Variants in GLT8D1 observed in about 807,000 individuals in gnomAD.
The protein encoded by GLT8D1 is glycosyltransferase 8 domain containing 1.
GLT8D1 carries 41 observed loss-of-function variants against 46.2 expected under a neutral mutation model. The ratio of observed to expected loss-of-function variants is 0.89; its 90% confidence interval spans 0.69 to 1.15. GLT8D1 has a LOEUF of 1.15. Ranked by LOEUF, GLT8D1 falls within the 50% of genes most tolerant of loss-of-function variation. The pLI, the probability that GLT8D1 is intolerant of heterozygous loss-of-function variation, is 0.00. For missense variants in GLT8D1, 408 were observed against 449.3 expected, an observed-to-expected ratio of 0.91 and a Z score of 0.83; for synonymous variants, 150 against 154.2, an observed-to-expected ratio of 0.97 and a Z score of 0.20.
rs2097332351 is a variant in GLT8D1, at chr3:52,695,553, T to C, written c.680A>G (p.Glu227Gly). 6.2e-7 allele frequency: 1 copy of C among 1,609,938 alleles called. No homozygotes were observed. Among genetic ancestry groups the C allele is most frequent in the South Asian group, 1.1e-5 (1 of 90,992 alleles). ...NYIGYLDYKK[E>G]RIRKLSMKAS... ...TTTCATGGAAAGCTTACGAATTCTT[T>C]CCTTTTTATAGTCAAGATAGCCAAT... Residue 227 changes from glutamate (E) to glycine (G), a missense_variant, in exon 8 of 10, where the codon GAA becomes GGA. Coordinates refer to ENST00000266014, the MANE Select transcript of GLT8D1 (RefSeq NM_018446.4).
rs149206385 is a variant in GLT8D1 at position 52,695,282 on chromosome 3, G to A, written c.833C>T (p.Thr278Ile). Residue 278 changes from threonine (T) to isoleucine (I), a missense_variant, in exon 9 of 10, where the codon ACC becomes ATC. Transcript: ENST00000266014. Reference protein sequence around the residue: ...LNVEEGLYSRTLAGSITTPPL... With the variant: ...LNVEEGLYSRILAGSITTPPL... ...AGGTGTTGTGATGCTACCAGCCAGG[G>A]TTCTGCTATACAGTCCCTCTCTTGG... 1.2e-6 allele frequency: 2 copies of A among 1,613,030 alleles called. No individual in the cohort carries two copies. The highest frequency in any genetic ancestry group is 4.5e-5 in the East Asian group (2 of 44,874).
chr3:52,695,757 TC>T (rs1365758884), intron 7 of GLT8D1, 170 bp from the exon 8 acceptor site: 1 of 636,702 alleles, frequency 1.6e-6, no homozygotes, highest in African/African-American at 1.8e-5. Context: ...AACCAGATGT[TC>T]AAGAACAATT....
rs776174534 is a variant in GLT8D1, at chr3:52,696,047, T to C, written c.533-7A>G. 7 of 1,533,824 alleles carry C rather than the reference T, an allele frequency of 4.6e-6. No homozygotes were observed. ...TAAAGGGCAAGAATATCACCTGAAA[T>C]AGACAAGATGTTAAGATTTACATTT... On this transcript the variant is annotated splice_polypyrimidine_tract_variant and splice_region_variant and intron_variant, in intron 6 of 9. Transcript: ENST00000266014.
In GLT8D1 at chr3:52,696,240, C is replaced by A; in HGVS notation, c.526G>T (p.Val176Leu). ...KAIYMDDDVI[V>L]QGDILALYNT... is the part of the protein sequence containing the mutation. ...ATGGTGACATTTTTGATACCTTGCA[C>A]AATTACATCATCATCCATGTATATG... The change falls in exon 6 of 10, where the codon GTG (valine) becomes TTG (leucine). Residue 176 changes from valine (V) to leucine (L), a missense_variant. By Grantham distance (32) the Val-to-Leu change is conservative. Coordinates refer to ENST00000266014, the MANE Select transcript of GLT8D1 (RefSeq NM_018446.4). 1.2e-6 allele frequency: 2 copies of A among 1,601,688 alleles called. No individual in the cohort carries two copies. Among genetic ancestry groups the A allele is most frequent in the Non-Finnish European group, 1.7e-6 (2 of 1,168,646 alleles).
At chr3:52,697,963 A>G (rs774375500) in intron 3 of GLT8D1, 29 bp from the exon 4 acceptor site, 1 of 1,372,468 alleles carries the variant, frequency 7.3e-7, no homozygotes, top group East Asian at 2.3e-5. Flanking sequence ...CACTGTGATT[A>G]CAATCTCATG....
At chr3:52,697,998 A>G in intron 3 of GLT8D1, 64 bp from the exon 4 acceptor site, 1 of 1,002,210 alleles carries the variant, frequency 1.0e-6, no homozygotes, top group Non-Finnish European at 1.6e-6. Flanking sequence ...AGTCCAAGAC[A>G]TGGAAAAAGG....
chr3:52,700,426 A>C lies in GLT8D1; in HGVS notation c.16+19T>G. ...TTTGACCAGGTATAAAAACAACTTA[A>C]CTTGTAGAAAGAGCATACCTTTACG... On this transcript the variant is annotated intron_variant, in intron 2 of 9. Transcript: ENST00000266014. The C allele has an allele frequency of 6.3e-7, 1 of 1,596,106 alleles. No homozygotes were observed. The highest frequency in any genetic ancestry group is 8.6e-7 in the Non-Finnish European group (1 of 1,164,580).
Position 52,694,778 on chromosome 3 carries a change from T to C in GLT8D1, c.*67A>G, listed in dbSNP as rs756280958. On this transcript the variant is annotated 3_prime_UTR_variant, in exon 10 of 10. Transcript: ENST00000266014. ...GATAGGCATTGAAGCCTAGCAACTG[T>C]TACTTCCCACGCATGCTATCTTCCA... 1.8e-5 allele frequency: 20 copies of C among 1,111,412 alleles called. No homozygotes were observed. Among genetic ancestry groups the C allele is most frequent in the Non-Finnish European group, 2.5e-5 (18 of 724,822 alleles). The allele number at this position is 1,111,412 out of a possible 1,614,324, so 68.8% of individuals were successfully genotyped here. A position where few individuals can be genotyped will look rare whatever the true frequency, so the allele number is the denominator to read the frequency against.
intron 1 of GLT8D1, among the ~76,000 whole-genome samples, chr3:52,704,329 C>T (rs758906461): frequency 6.6e-6 from 1 of 151,940 alleles, no homozygotes; most frequent in Admixed American, 6.6e-5. Context: ...CGTGGTGGCG[C>T]ATGCCTGTAA....
Position 52,700,325 on chromosome 3 carries a change from A to G in GLT8D1, c.52T>C (p.Phe18Leu). The change falls in exon 3 of 10, where the codon TTC (phenylalanine) becomes CTC (leucine). Residue 18 changes from phenylalanine to leucine, a missense_variant. Coordinates refer to ENST00000266014, the MANE Select transcript of GLT8D1 (RefSeq NM_018446.4). ...AAGTTATGGTGCAAAACCAGTAAGA[A>G]GAGAGCAACAGCCAGGACCAAGATG... ...IIILVLAVAL[F>L]LLVLHHNFLS... 6.2e-7 allele frequency: 1 copy of G among 1,614,004 alleles called. No individual in the cohort carries two copies. Among genetic ancestry groups the G allele is most frequent in the Non-Finnish European group, 8.5e-7 (1 of 1,179,852 alleles).
chr3:52,700,243 TTAA>T lies in GLT8D1; in HGVS notation c.115+16_115+18del. The T allele has an allele frequency of 6.6e-7, 1 of 1,504,350 alleles. No homozygotes were observed. The highest frequency in any genetic ancestry group is 9.2e-7 in the Non-Finnish European group (1 of 1,086,138). 93.2% of individuals were successfully genotyped at this position (1,504,350 alleles called of 1,614,324 possible). On this transcript the variant is annotated intron_variant, in intron 3 of 9. Coordinates refer to ENST00000266014, the MANE Select transcript of GLT8D1 (RefSeq NM_018446.4). Reference sequence around the variant, plus strand: ...GTCCGCAACAGATTCTAAGGCATTATTAATAAGTGCTCGCATACCTGTAACCTC... The same window carrying T: ...GTCCGCAACAGATTCTAAGGCATTATTAAGTGCTCGCATACCTGTAACCTC...
In GLT8D1 at chr3:52,705,739, C is replaced by T. The variant is rs1239079484; in HGVS notation, c.-329G>A. The T allele has an allele frequency of 6.7e-6, 6 of 889,578 alleles. No individual in the cohort carries two copies. The highest frequency in any genetic ancestry group is 1.8e-5 in the African/African-American group (1 of 56,880). 55.1% of individuals were successfully genotyped at this position (889,578 alleles called of 1,614,324 possible). On this transcript the variant is annotated 5_prime_UTR_variant, in exon 1 of 10. Coordinates refer to ENST00000266014, the MANE Select transcript of GLT8D1 (RefSeq NM_018446.4). ...GTGGCAGCCGCGCAGCCCCACTACGCCCAGCCAGCCCGCAGCGGTAACCGC... is the reference window on the plus strand; with the variant it reads ...GTGGCAGCCGCGCAGCCCCACTACGTCCAGCCAGCCCGCAGCGGTAACCGC...
Position 52,695,032 on chromosome 3 carries a change from G to A in GLT8D1, c.929C>T (p.Ser310Phe). 1 of 1,607,928 alleles carries A rather than the reference G, an allele frequency of 6.2e-7. No homozygotes were observed. Among genetic ancestry groups the A allele is most frequent in the Non-Finnish European group, 8.5e-7 (1 of 1,174,368 alleles). ...DPMWNVRHLG[S>F]SAGKRYSPQF... ...AGGTGAATATCGTTTTCCAGCACTG[G>A]AACCTTACATTTGAGACAAAAATAG... Residue 310 changes from serine to phenylalanine, a missense_variant, in exon 10 of 10, where the codon TCC (serine) becomes TTC (phenylalanine). Coordinates refer to ENST00000266014, the MANE Select transcript of GLT8D1 (RefSeq NM_018446.4).
chr3:52,697,078 T>A (rs1445615257), intron 4 of GLT8D1, among the ~76,000 whole-genome samples: 1 of 152,228 alleles, frequency 6.6e-6, no homozygotes, highest in Non-Finnish European at 1.5e-5. Flanking sequence ...AGTCTATTTT[T>A]ATACAGCTTC....
In GLT8D1 at chr3:52,695,036, CT is replaced by C; in HGVS notation, c.926-2del. On this transcript the variant is annotated splice_acceptor_variant, in intron 9 of 9. Transcript: ENST00000266014. LOFTEE classifies it high-confidence loss of function. The stretch of plus-strand genomic sequence containing the variant: ...GAATATCGTTTTCCAGCACTGGAAC[CT>C]TACATTTGAGACAAAAATAGCCACA... The C allele has an allele frequency of 6.2e-7, 1 of 1,606,428 alleles. No individual in the cohort carries two copies. Among genetic ancestry groups the C allele is most frequent in the Non-Finnish European group, 8.5e-7 (1 of 1,173,010 alleles).
chr3:52,695,069 C>T lies in GLT8D1; in HGVS notation c.926-34G>A, dbSNP rs556660951. 101 of 1,531,390 alleles carry T rather than the reference C, an allele frequency of 6.6e-5. No individual in the cohort carries two copies. In the East Asian group the frequency reaches 1.0e-3, roughly 16 times the overall value. 94.9% of individuals were successfully genotyped at this position (1,531,390 alleles called of 1,614,324 possible). On this transcript the variant is annotated intron_variant, in intron 9 of 9. Coordinates refer to ENST00000266014, the MANE Select transcript of GLT8D1 (RefSeq NM_018446.4). ...TGAGACAAAAATAGCCACATCGTTG[C>T]GCCATGTGAAATTGTGCAGAAAACT...
Position 52,695,561 on chromosome 3 carries a change from A to ATAGTC in GLT8D1, c.667_671dup (p.Tyr224Ter). 1 of 1,605,208 alleles carries ATAGTC rather than the reference A, an allele frequency of 6.2e-7. No homozygotes were observed. Among genetic ancestry groups the ATAGTC allele is most frequent in the South Asian group, 1.1e-5 (1 of 90,850 alleles). ...AAAGCTTACGAATTCTTTCCTTTTTATAGTCAAGATAGCCAATGTAATTGT... is the reference window on the plus strand; with the variant it reads ...AAAGCTTACGAATTCTTTCCTTTTTATAGTCTAGTCAAGATAGCCAATGTAATTGT... On this transcript the variant is annotated stop_gained and frameshift_variant, in exon 8 of 10. Transcript: ENST00000266014. LOFTEE classifies it high-confidence loss of function.
chr3:52,694,787 A>T lies in GLT8D1; in HGVS notation c.*58T>A. ...TGAAGCCTAGCAACTGTTACTTCCC[A>T]CGCATGCTATCTTCCAGGACTTCCT... On this transcript the variant is annotated 3_prime_UTR_variant, in exon 10 of 10. Coordinates refer to ENST00000266014, the MANE Select transcript of GLT8D1 (RefSeq NM_018446.4). The T allele has an allele frequency of 8.4e-7, 1 of 1,189,706 alleles. No individual in the cohort carries two copies. Among genetic ancestry groups the T allele is most frequent in the Non-Finnish European group, 1.3e-6 (1 of 794,310 alleles). 73.7% of individuals were successfully genotyped at this position (1,189,706 alleles called of 1,614,324 possible). A position where few individuals can be genotyped will look rare whatever the true frequency, so the allele number is the denominator to read the frequency against.
At chr3:52,700,558 C>T in intron 1 of GLT8D1, 62 bp from the exon 2 acceptor site, 1 of 708,510 alleles carries the variant, frequency 1.4e-6, no homozygotes, top group Non-Finnish European at 2.4e-6. Context: ...TCAAAATGCC[C>T]TAACACTTTT....
Sources: allele counts gnomAD v4.1 joint callset (sites outside exome capture counted in the v4.1 genomes callset), GRCh38; gene constraint gnomAD v4.1.1; transcripts MANE v1.5; gene names NCBI Gene and HGNC (gene_info 2026-07-23, HGNC 2026-07-21).